GALNT13: variants seen among roughly 807,000 people sequenced by gnomAD.
GALNT13 encodes UDP-GalNAc:polypeptide N-acetylgalactosaminyltransferase 13.
Under a neutral mutation model 64.2 loss-of-function variants are expected in GALNT13, and 28 were observed. That is an observed-to-expected ratio of 0.44 (90% CI 0.32 to 0.60). The LOEUF (loss-of-function observed/expected upper bound fraction) is 0.60. Ranked by LOEUF, GALNT13 falls within the 20% of genes least tolerant of loss-of-function variation. GALNT13 has a pLI of 0.05. For synonymous variants in GALNT13, 214 were observed against 224.6 expected (o/e 0.95, Z 0.42); for missense variants, 577 against 669.8 (o/e 0.86, Z 1.53).
chr2:153,115,970 A>T, the GALNT13 span, among the ~76,000 whole-genome samples: 3 of 152,208 alleles, frequency 2.0e-5, no homozygotes, highest in African/African-American at 7.2e-5. Flanking sequence ...AAAATTGGCC[A>T]GTGGTATTTT....
chr2:153,089,367 T>C, the GALNT13 span, among the ~76,000 whole-genome samples: 1 of 152,210 alleles, frequency 6.6e-6, no homozygotes, highest in Admixed American at 6.5e-5. Context: ...TGTTTTCCTT[T>C]CTAGGTAATC....
the GALNT13 span, among the ~76,000 whole-genome samples, chr2:153,313,985 G>T: frequency 6.6e-6 from 1 of 151,930 alleles, no homozygotes. Context: ...ACTATTCTTA[G>T]CCTGGCTTCT....
At chr2:154,262,065 A>G (rs746645281) in intron 8 of GALNT13, among the ~76,000 whole-genome samples, 2 of 152,158 alleles carry the variant, frequency 1.3e-5, no homozygotes, top group Non-Finnish European at 2.9e-5. Flanking sequence ...TAGACTTCCT[A>G]AGGAAGATGT....
chr2:153,308,669 C>A, the GALNT13 span, among the ~76,000 whole-genome samples: 1 of 152,154 alleles, frequency 6.6e-6, no homozygotes, highest in Admixed American at 6.5e-5. Context: ...ATCAAGCTTG[C>A]AGATGCCTGG....
the GALNT13 span, among the ~76,000 whole-genome samples, chr2:153,436,774 C>G: frequency 6.6e-6 from 1 of 152,122 alleles, no homozygotes; most frequent in African/African-American, 2.4e-5. Context: ...TTCAAAAAAC[C>G]AGCTCCTGGA....
At chr2:153,533,442 G>A in the GALNT13 span, among the ~76,000 whole-genome samples, 1 of 151,940 alleles carries the variant, frequency 6.6e-6, no homozygotes, top group African/African-American at 2.4e-5. Context: ...AGTAGAGACA[G>A]GGTTTTGCCA....
At chr2:154,008,526 T>A (rs1349540118) in intron 3 of GALNT13, among the ~76,000 whole-genome samples, 1 of 152,110 alleles carries the variant, frequency 6.6e-6, no homozygotes, top group Non-Finnish European at 1.5e-5. Flanking sequence ...GATTATTTAA[T>A]CACCCAGGTA....
At chr2:154,140,819 C>G (rs1243498003) in intron 4 of GALNT13, among the ~76,000 whole-genome samples, 1 of 152,006 alleles carries the variant, frequency 6.6e-6, no homozygotes, top group Non-Finnish European at 1.5e-5. Flanking sequence ...CAAATATGCT[C>G]TTTAGTAGAT....
the GALNT13 span, among the ~76,000 whole-genome samples, chr2:153,196,831 C>T: frequency 2.0e-5 from 3 of 152,120 alleles, no homozygotes; most frequent in East Asian, 1.9e-4. Context: ...ATGGCACCAC[C>T]CTGGGCCCAG....
At chr2:154,033,836 G>C (rs1698492089) in intron 3 of GALNT13, among the ~76,000 whole-genome samples, 1 of 152,152 alleles carries the variant, frequency 6.6e-6, no homozygotes, top group Admixed American at 6.6e-5. Context: ...CTACTCGGGA[G>C]GCTGAGGCAA....
chr2:154,005,145 T>C (rs1402013502), intron 3 of GALNT13, among the ~76,000 whole-genome samples: 1 of 152,202 alleles, frequency 6.6e-6, no homozygotes, highest in African/African-American at 2.4e-5. Context: ...TTTCAGCTAA[T>C]TGAATGTAAA....
chr2:153,386,866 C>T, the GALNT13 span, among the ~76,000 whole-genome samples: 6 of 152,176 alleles, frequency 3.9e-5, no homozygotes, highest in African/African-American at 1.2e-4. Flanking sequence ...ATATGTGAGG[C>T]GATGCCCTTC....
chr2:153,464,204 A>C, the GALNT13 span, among the ~76,000 whole-genome samples: 4 of 152,168 alleles, frequency 2.6e-5, no homozygotes, highest in South Asian at 8.3e-4. Context: ...TTGAGGTCTC[A>C]GGGCTGAAGA....
intron 4 of GALNT13, among the ~76,000 whole-genome samples, chr2:154,210,626 A>G (rs1687704930): frequency 6.6e-6 from 1 of 152,202 alleles, no homozygotes; most frequent in Non-Finnish European, 1.5e-5. Flanking sequence ...GTTGTATTTC[A>G]TTTAAATATA....
chr2:153,213,205 A>G, the GALNT13 span, among the ~76,000 whole-genome samples: 6 of 152,354 alleles, frequency 3.9e-5, no homozygotes, highest in East Asian at 9.6e-4. Flanking sequence ...GCATTGGTTC[A>G]GTTTCCTTCC....
chr2:153,224,546 T>C, the GALNT13 span, among the ~76,000 whole-genome samples: 3 of 151,804 alleles, frequency 2.0e-5, no homozygotes, highest in Admixed American at 1.3e-4. Context: ...AGGAAAACAA[T>C]GGGGAAAATA....
At chr2:153,282,073 A>G in the GALNT13 span, among the ~76,000 whole-genome samples, 5 of 151,900 alleles carry the variant, frequency 3.3e-5, no homozygotes, top group Non-Finnish European at 5.9e-5. Flanking sequence ...ACATAATCCT[A>G]TATTTCTCAA....
intron 3 of GALNT13, among the ~76,000 whole-genome samples, chr2:153,946,108 GA>G (rs1362242923): frequency 6.6e-6 from 1 of 152,114 alleles, no homozygotes; most frequent in African/African-American, 2.4e-5. Flanking sequence ...TTCTTTGTCA[GA>G]ATCAGTTGAG....
intron 9 of GALNT13, among the ~76,000 whole-genome samples, chr2:154,380,551 T>C (rs1414943781): frequency 6.6e-6 from 1 of 152,018 alleles, no homozygotes; most frequent in East Asian, 1.9e-4. Flanking sequence ...TTTTTCTTCA[T>C]TTTCTGGGAG....
Sources: allele counts gnomAD v4.1 joint callset (sites outside exome capture counted in the v4.1 genomes callset), GRCh38; gene constraint gnomAD v4.1.1; transcripts MANE v1.5; gene names NCBI Gene and HGNC (gene_info 2026-07-23, HGNC 2026-07-21).